The following DGCR2 variants were observed in gnomAD, a reference collection of about 807,000 sequenced individuals.
DGCR2 encodes integral membrane protein DGCR2/IDD.
In DGCR2, 24 loss-of-function variants were observed where a neutral mutation model predicts 51.6. The observed-to-expected ratio is 0.47, with a 90% CI of 0.34 to 0.65. The LOEUF (loss-of-function observed/expected upper bound fraction) is 0.65, where lower values mean the gene tolerates loss of function less well. Ranked by LOEUF, DGCR2 falls within the 30% of genes least tolerant of loss-of-function variation. The pLI, the probability that DGCR2 is intolerant of heterozygous loss-of-function variation, is 0.01. For synonymous variants in DGCR2, 340 were observed against 315.4 expected (o/e 1.08, Z -0.82); for missense variants, 765 against 772.1 (o/e 0.99, Z 0.11).
At chr22:19,062,550 AGGGAAGGGGCAGGGCAAG>A (rs2082676470) in intron 5 of DGCR2, among the ~76,000 whole-genome samples, 1 of 152,104 alleles carries the variant, frequency 6.6e-6, no homozygotes. Flanking sequence ...CCCAACAGAC[AGGGAAGGGGCAGGGCAAG>A]GGAGTGTGAC....
intron 6 of DGCR2, chr22:19,056,636 G>A: frequency 5.2e-6 from 2 of 386,816 alleles, no homozygotes; most frequent in South Asian, 7.9e-5. Flanking sequence ...GCAGAAATGG[G>A]GGGTGGGGAG....
At chr22:19,054,994 T>C (rs1165553707) in intron 6 of DGCR2, among the ~76,000 whole-genome samples, 5 of 152,028 alleles carry the variant, frequency 3.3e-5, no homozygotes, top group African/African-American at 1.2e-4. Context: ...CACATGTCTG[T>C]AATCCCAGCT....
At chr22:19,040,947 C>G in intron 9 of DGCR2, 111 bp downstream of exon 9, 1 of 993,206 alleles carries the variant, frequency 1.0e-6, no homozygotes, top group Non-Finnish European at 1.5e-6. Flanking sequence ...AAAGACAAAG[C>G]CGGAAAGAAG....
intron 1 of DGCR2, among the ~76,000 whole-genome samples, chr22:19,104,199 G>A (rs2083237402): frequency 6.6e-6 from 1 of 152,120 alleles, no homozygotes. Flanking sequence ...ACCTCACGGA[G>A]CCCCTAGAAG....
At chr22:19,042,178 A>G (rs1264195929) in intron 7 of DGCR2, among the ~76,000 whole-genome samples, 1 of 152,288 alleles carries the variant, frequency 6.6e-6, no homozygotes, top group East Asian at 1.9e-4. Context: ...GGTCAGGAGG[A>G]GCATCTCACC....
intron 1 of DGCR2, among the ~76,000 whole-genome samples, 160 bp from the exon 2 acceptor site, chr22:19,089,650 A>C (rs2083057041): frequency 6.6e-6 from 1 of 152,244 alleles, no homozygotes; most frequent in African/African-American, 2.4e-5. Flanking sequence ...GTGCAGTCTC[A>C]GCTCACTGCA....
In DGCR2 at chr22:19,122,199, G is replaced by A. The variant is rs1296035954; in HGVS notation, c.8C>T (p.Pro3Leu). ...CAGGAAGGCGCCGCTGTCTGCCTTG[G>A]GCACCATTTATCCTCCGTTCATCGT... MV[P>L]KADSGAFLLL... Residue 3 changes from proline to leucine, a missense_variant, in exon 1 of 10, where the codon CCC (proline) becomes CTC (leucine). Transcript: ENST00000263196. The A allele has an allele frequency of 2.7e-6, 4 of 1,507,718 alleles. No homozygotes were observed. In the South Asian group the frequency reaches 5.0e-5, roughly 19 times the overall value. The allele number at this position is 1,507,718 out of a possible 1,614,324, so 93.4% of individuals were successfully genotyped here. A position where few individuals can be genotyped will look rare whatever the true frequency, so the allele number is the denominator to read the frequency against.
At chr22:19,119,249 G>A (rs973058067) in intron 1 of DGCR2, among the ~76,000 whole-genome samples, 1 of 152,140 alleles carries the variant, frequency 6.6e-6, no homozygotes, top group Non-Finnish European at 1.5e-5. Flanking sequence ...GTGCATGATG[G>A]GGGGAAGGCC....
intron 2 of DGCR2, among the ~76,000 whole-genome samples, chr22:19,084,802 A>T (rs1374917140): frequency 1.2e-5 from 1 of 85,058 alleles, no homozygotes; most frequent in East Asian, 3.4e-4. Context: ...CCGTCCGGGA[A>T]GGAGGTGGGG....
chr22:19,051,836 T>C (rs1331926797), intron 6 of DGCR2, among the ~76,000 whole-genome samples: 1 of 152,210 alleles, frequency 6.6e-6, no homozygotes, highest in African/African-American at 2.4e-5. Context: ...TTAACATCAG[T>C]AGCCTCAGGG....
chr22:19,098,568 T>C (rs1031971394), intron 1 of DGCR2, among the ~76,000 whole-genome samples: 1 of 152,094 alleles, frequency 6.6e-6, no homozygotes, highest in African/African-American at 2.4e-5. Flanking sequence ...AGTATACATA[T>C]AGGGACATTT....
intron 5 of DGCR2, among the ~76,000 whole-genome samples, chr22:19,062,424 G>C (rs1170872042): frequency 2.0e-5 from 3 of 152,166 alleles, no homozygotes; most frequent in African/African-American, 7.2e-5. Flanking sequence ...CCTGTCCCCA[G>C]GCCCATCACT....
intron 1 of DGCR2, among the ~76,000 whole-genome samples, chr22:19,118,443 T>A (rs1368380118): frequency 2.1e-5 from 3 of 145,560 alleles, no homozygotes; most frequent in African/African-American, 7.6e-5. Flanking sequence ...ACTTCTCAGC[T>A]CCCTGAGATG....
chr22:19,111,847 T>A (rs2083317964), intron 1 of DGCR2, among the ~76,000 whole-genome samples: 1 of 129,412 alleles, frequency 7.7e-6, no homozygotes, highest in East Asian at 2.2e-4. Context: ...TTGTTTTTAT[T>A]TTTTATTTAT....
intron 7 of DGCR2, chr22:19,047,801 T>C (rs1351461476): frequency 6.5e-6 from 1 of 152,906 alleles, no homozygotes; most frequent in Non-Finnish European, 1.5e-5. Flanking sequence ...TTCTCGAAGA[T>C]TCTAAGGTAA....
At chr22:19,103,405 T>TA (rs1294452198) in intron 1 of DGCR2, among the ~76,000 whole-genome samples, 2 of 113,370 alleles carry the variant, frequency 1.8e-5, no homozygotes, top group Admixed American at 9.4e-5. Context: ...TTTACCACAA[T>TA]AAAAAAAGTT....
At chr22:19,085,274 T>C (rs1429063684) in intron 2 of DGCR2, among the ~76,000 whole-genome samples, 1 of 152,158 alleles carries the variant, frequency 6.6e-6, no homozygotes, top group African/African-American at 2.4e-5. Flanking sequence ...ATTCCCACAG[T>C]CATTGTCAAG....
intron 1 of DGCR2, among the ~76,000 whole-genome samples, chr22:19,104,172 T>C (rs1280136370): frequency 6.6e-6 from 1 of 152,114 alleles, no homozygotes; most frequent in Non-Finnish European, 1.5e-5. Context: ...CTCAGTATTA[T>C]CATGAAAACA....
chr22:19,076,691 C>T (rs1367533862), intron 2 of DGCR2, among the ~76,000 whole-genome samples: 2 of 138,292 alleles, frequency 1.4e-5, no homozygotes, highest in Non-Finnish European at 1.6e-5. Flanking sequence ...TGTTTATCTT[C>T]TTTGGAGAAA....
Sources: gnomAD v4.1 joint callset for allele counts (sites outside exome capture counted in the v4.1 genomes callset) on GRCh38, gnomAD v4.1.1 for gene constraint, MANE v1.5 for transcripts, NCBI Gene and HGNC (gene_info 2026-07-23, HGNC 2026-07-21) for gene names.